RBFOX1: variants seen among roughly 807,000 people sequenced by gnomAD.
RBFOX1 encodes the protein RNA binding protein fox-1 homolog 1.
Under a neutral mutation model 57.7 loss-of-function variants are expected in RBFOX1, and 8 were observed. The ratio of observed to expected loss-of-function variants is 0.14; its 90% CI spans 0.08 to 0.25. The LOEUF (loss-of-function observed/expected upper bound fraction) is 0.25. Ranked by LOEUF, RBFOX1 falls within the 10% of genes least tolerant of loss-of-function variation. The pLI is 1.00. For missense variants in RBFOX1, 611 were observed against 548.5 expected, an observed-to-expected ratio of 1.11 and a Z score of -1.14; for synonymous variants, 326 against 222.4, an observed-to-expected ratio of 1.47 and a Z score of -4.15.
At chr16:5,737,520 CTGGA>C (rs1330203627) in intron 3 of RBFOX1, among the ~76,000 whole-genome samples, 2 of 136,626 alleles carry the variant, frequency 1.5e-5, no homozygotes, top group Non-Finnish European at 3.1e-5. Flanking sequence ...CAAAAATATT[CTGGA>C]TTTTTTTTTT....
At chr16:7,467,032 T>C (rs1384175106) in intron 4 of RBFOX1, among the ~76,000 whole-genome samples, 2 of 152,306 alleles carry the variant, frequency 1.3e-5, no homozygotes, top group East Asian at 3.9e-4. Context: ...ATGTCTCTTA[T>C]CTCTATGTAG....
At chr16:5,422,541 G>T (rs546856000) in intron 1 of RBFOX1, among the ~76,000 whole-genome samples, 2 of 82,660 alleles carry the variant, frequency 2.4e-5, no homozygotes, top group East Asian at 4.6e-4. Context: ...GCGCATGAGG[G>T]GGGCAGGGAG....
chr16:7,163,945 C>T lies in RBFOX1; in HGVS notation c.27+111847C>T, dbSNP rs551738842. On this transcript the variant is annotated intron_variant, in intron 4 of 15. Coordinates refer to ENST00000550418, the MANE Select transcript of RBFOX1 (RefSeq NM_018723.4). ...AAAGTACTGGGATTACAGGTGTGAG[C>T]CACCGCACACAGCCTGTTTTTTCTA... Among the ~76,000 whole-genome samples, 14 of 152,224 alleles carry T rather than the reference C, an allele frequency of 9.2e-5. No homozygotes were observed. The South Asian group carries it at 2.9e-3, about 32-fold the overall frequency.
At chr16:7,190,313 C>T (rs2085054992) in intron 4 of RBFOX1, among the ~76,000 whole-genome samples, 6 of 152,126 alleles carry the variant, frequency 3.9e-5, no homozygotes, top group Admixed American at 3.9e-4. Flanking sequence ...GAGCTGAGAT[C>T]ACACCACCGT....
chr16:6,799,982 A>G (rs74007065), intron 3 of RBFOX1, among the ~76,000 whole-genome samples: 3,102 of 152,214 alleles, frequency 0.02, 100 homozygotes, highest in African/African-American at 0.069. Flanking sequence ...ACTTCCTTTC[A>G]TATATATTAA....
rs886161657 is a variant in RBFOX1 at position 6,888,430 on chromosome 16, G to A, written c.-15-163627G>A. ...CTGATGTCAACACTTAGAAAGCAGT[G>A]TTCTCTTTATATAGTCACTTACTGT... On this transcript the variant is annotated intron_variant, in intron 3 of 15. Transcript: ENST00000550418. 2.6e-5 allele frequency among the ~76,000 whole-genome samples: 4 copies of A among 152,140 alleles called. No homozygotes were observed. The East Asian group carries it at 5.8e-4, about 22-fold the overall frequency.
intron 1 of RBFOX1, among the ~76,000 whole-genome samples, chr16:5,438,498 T>A (rs1314902338): frequency 6.6e-6 from 1 of 152,190 alleles, no homozygotes; most frequent in African/African-American, 2.4e-5. Context: ...GCATTCCAAC[T>A]GAGTTATCCT....
At chr16:7,173,852 C>G (rs1405992637) in intron 4 of RBFOX1, among the ~76,000 whole-genome samples, 1 of 152,160 alleles carries the variant, frequency 6.6e-6, no homozygotes, top group African/African-American at 2.4e-5. Flanking sequence ...GACGTTGAAT[C>G]ATAAGACACA....
intron 3 of RBFOX1, among the ~76,000 whole-genome samples, chr16:5,820,012 AG>A (rs1209331462): frequency 6.6e-6 from 1 of 152,206 alleles, no homozygotes; most frequent in East Asian, 1.9e-4. Flanking sequence ...GACCTCTGGC[AG>A]GGAGGGGTGA....
chr16:7,435,392 G>A (rs2098713646), intron 4 of RBFOX1, among the ~76,000 whole-genome samples: 1 of 152,002 alleles, frequency 6.6e-6, no homozygotes, highest in Non-Finnish European at 1.5e-5. Context: ...TACATATTAT[G>A]AAAATGACTT....
chr16:5,350,016 TC>T (rs1257002409), intron 1 of RBFOX1, among the ~76,000 whole-genome samples: 1 of 152,244 alleles, frequency 6.6e-6, no homozygotes, highest in African/African-American at 2.4e-5. Context: ...CACAGTCATT[TC>T]TGTGGTGTAA....
chr16:5,914,932 C>G lies in RBFOX1; in HGVS notation c.351+47597C>G, dbSNP rs62013868. Among the ~76,000 whole-genome samples, 1,259 of 152,108 alleles carry G rather than the reference C, an allele frequency of 8.3e-3. 14 individuals carry two copies. The highest frequency in any genetic ancestry group is 0.014 in the Non-Finnish European group (928 of 67,976). ...AAACAAAAACAAAAAAAAAGAGAGTCTATGACAAAGGGTTCACCAGTTGGA... is the reference window on the plus strand; with the variant it reads ...AAACAAAAACAAAAAAAAAGAGAGTGTATGACAAAGGGTTCACCAGTTGGA... On this transcript the variant is annotated intron_variant, in intron 4 of 19. Coordinates refer to the RBFOX1 transcript ENST00000641259.
At chr16:5,682,234 C>T (rs374500673) in intron 3 of RBFOX1, among the ~76,000 whole-genome samples, 8 of 152,314 alleles carry the variant, frequency 5.3e-5, no homozygotes, top group African/African-American at 1.9e-4. Flanking sequence ...TCATGCCTTG[C>T]AAATTTGCAT....
chr16:5,692,789 C>T (rs887104878), intron 3 of RBFOX1, among the ~76,000 whole-genome samples: 1 of 151,766 alleles, frequency 6.6e-6, no homozygotes, highest in Non-Finnish European at 1.5e-5. Context: ...AGAAAACGCA[C>T]AGAGTCCAGG....
chr16:5,920,043 C>T (rs924476616), intron 4 of RBFOX1, among the ~76,000 whole-genome samples: 1 of 152,218 alleles, frequency 6.6e-6, no homozygotes, highest in Non-Finnish European at 1.5e-5. Context: ...ACGTCATTCT[C>T]CTGCCTCAGC....
chr16:6,652,366 T>G (rs1235883301), intron 2 of RBFOX1, among the ~76,000 whole-genome samples: 2 of 151,992 alleles, frequency 1.3e-5, no homozygotes, highest in African/African-American at 4.8e-5. Context: ...AAGAATCACT[T>G]GAACCTGGGA....
At chr16:6,182,168 C>G (rs77787295) in intron 1 of RBFOX1, among the ~76,000 whole-genome samples, 1 of 152,088 alleles carries the variant, frequency 6.6e-6, no homozygotes, top group Non-Finnish European at 1.5e-5. Flanking sequence ...TAAGCTTATT[C>G]TCTGGGAAAG....
At chr16:7,310,525 C>G (rs2096283979) in intron 4 of RBFOX1, among the ~76,000 whole-genome samples, 1 of 152,134 alleles carries the variant, frequency 6.6e-6, no homozygotes, top group African/African-American at 2.4e-5. Flanking sequence ...ATCAAAACTT[C>G]ATCAAGGGGC....
At chr16:6,719,482 C>G (rs2154160516) in intron 3 of RBFOX1, among the ~76,000 whole-genome samples, 1 of 151,734 alleles carries the variant, frequency 6.6e-6, no homozygotes, top group African/African-American at 2.4e-5. Flanking sequence ...GCTCTGTCAC[C>G]CAGGATGGGG....
Sources: gnomAD v4.1 joint callset for allele counts (sites outside exome capture counted in the v4.1 genomes callset) on GRCh38, gnomAD v4.1.1 for gene constraint, MANE v1.5 for transcripts, NCBI Gene and HGNC (gene_info 2026-07-23, HGNC 2026-07-21) for gene names.